PTPRN2: variants seen among roughly 807,000 people sequenced by gnomAD.
PTPRN2 encodes receptor-type tyrosine-protein phosphatase N2.
Under a neutral mutation model 118.8 loss-of-function variants are expected in PTPRN2, and 74 were observed. The ratio of observed to expected loss-of-function variants is 0.62; its 90% CI spans 0.52 to 0.76. The LOEUF (loss-of-function observed/expected upper bound fraction) is 0.76, where lower values mean the gene tolerates loss of function less well. PTPRN2 is among the 30% of genes least tolerant of loss of function. The pLI, the probability that PTPRN2 is intolerant of heterozygous loss-of-function variation, is 0.00. For missense variants in PTPRN2, 1,481 were observed against 1,394.4 expected (o/e 1.06, Z -0.99); for synonymous variants, 641 against 608.0 (o/e 1.05, Z -0.80).
At chr7:158,550,785 C>T in intron 1 of PTPRN2, among the ~76,000 whole-genome samples, 1 of 152,214 alleles carries the variant, frequency 6.6e-6, no homozygotes, top group South Asian at 2.1e-4. Context: ...GTAATTACCT[C>T]GTCTTTAAGT....
intron 19 of PTPRN2, 116 bp from the exon 20 acceptor site, chr7:157,571,609 T>C: frequency 1.5e-6 from 1 of 680,596 alleles, no homozygotes; most frequent in Non-Finnish European, 2.5e-6. Flanking sequence ...TGCAATCGCT[T>C]GTTTTGACGG....
At chr7:158,049,367 G>C (rs1320847385) in intron 11 of PTPRN2, among the ~76,000 whole-genome samples, 20 of 152,128 alleles carry the variant, frequency 1.3e-4, no homozygotes, top group Admixed American at 6.5e-5. Context: ...TGCTACACTG[G>C]TGGGTGACTC....
chr7:158,556,905 C>A (rs1370679583), intron 1 of PTPRN2, among the ~76,000 whole-genome samples: 1 of 148,632 alleles, frequency 6.7e-6, no homozygotes, highest in African/African-American at 2.5e-5. Flanking sequence ...GGCTCCCGTG[C>A]AGGTCGCTCC....
chr7:158,077,615 G>C, intron 11 of PTPRN2, among the ~76,000 whole-genome samples: 1 of 151,072 alleles, frequency 6.6e-6, no homozygotes, highest in Non-Finnish European at 1.5e-5. Flanking sequence ...TGGCGCCCGA[G>C]AGGGAATGTT....
intron 13 of PTPRN2, among the ~76,000 whole-genome samples, chr7:157,677,954 C>T (rs981428835): frequency 1.1e-4 from 17 of 152,176 alleles, no homozygotes; most frequent in African/African-American, 3.4e-4. Flanking sequence ...TCTGCAAAAC[C>T]GAATCCACGT....
chr7:157,997,134 A>T (rs1804811132), intron 11 of PTPRN2, among the ~76,000 whole-genome samples: 1 of 152,164 alleles, frequency 6.6e-6, no homozygotes, highest in African/African-American at 2.4e-5. Flanking sequence ...TTGGGGGCAC[A>T]TCTGATGGGG....
At chr7:158,050,227 G>A (rs1210557234) in intron 11 of PTPRN2, among the ~76,000 whole-genome samples, 1 of 152,182 alleles carries the variant, frequency 6.6e-6, no homozygotes, top group East Asian at 1.9e-4. Context: ...AGGGAATGCA[G>A]CCTTTTGTAG....
chr7:158,163,584 T>C (rs1822574248), intron 6 of PTPRN2, among the ~76,000 whole-genome samples: 1 of 150,870 alleles, frequency 6.6e-6, no homozygotes, highest in African/African-American at 2.4e-5. Context: ...CTCAATATTC[T>C]CTGTATATTT....
intron 10 of PTPRN2, among the ~76,000 whole-genome samples, chr7:158,095,020 C>T (rs903882822): frequency 2.0e-5 from 3 of 152,178 alleles, no homozygotes; most frequent in Non-Finnish European, 4.4e-5. Flanking sequence ...CATGGGCCAG[C>T]ATCCGTGGTG....
intron 2 of PTPRN2, among the ~76,000 whole-genome samples, chr7:158,336,321 A>T (rs1310212578): frequency 2.1e-5 from 3 of 140,446 alleles, no homozygotes; most frequent in South Asian, 2.4e-4. Context: ...CTCTCACCAT[A>T]AGAGGTGACA....
intron 3 of PTPRN2, among the ~76,000 whole-genome samples, chr7:158,225,391 A>G (rs1345376723): frequency 6.6e-6 from 1 of 152,078 alleles, no homozygotes; most frequent in Non-Finnish European, 1.5e-5. Context: ...TTGGTTATGA[A>G]GGAAAGAACG....
chr7:158,520,366 T>C (rs1055514233), intron 1 of PTPRN2, among the ~76,000 whole-genome samples: 4 of 152,204 alleles, frequency 2.6e-5, no homozygotes, highest in African/African-American at 9.7e-5. Context: ...AGAACTTATT[T>C]TTCCTGAAAA....
chr7:158,557,037 C>T (rs1337150847), intron 1 of PTPRN2, among the ~76,000 whole-genome samples: 2 of 140,826 alleles, frequency 1.4e-5, no homozygotes, highest in East Asian at 4.6e-4. Context: ...GGTCAGAGGG[C>T]TCCCGCGCAG....
At chr7:157,692,501 C>A (rs1233183031) in intron 12 of PTPRN2, among the ~76,000 whole-genome samples, 1 of 152,248 alleles carries the variant, frequency 6.6e-6, no homozygotes, top group Non-Finnish European at 1.5e-5. Context: ...CGGTGCCGTC[C>A]GCTGCAGGCC....
chr7:158,146,186 G>T (rs942600417), intron 6 of PTPRN2, among the ~76,000 whole-genome samples: 2 of 152,114 alleles, frequency 1.3e-5, no homozygotes, highest in East Asian at 1.9e-4. Flanking sequence ...TAGATGCTCA[G>T]TCACACAAGC....
intron 12 of PTPRN2, among the ~76,000 whole-genome samples, chr7:157,692,805 C>T (rs984886359): frequency 3.9e-5 from 6 of 152,054 alleles, no homozygotes; most frequent in African/African-American, 1.2e-4. Flanking sequence ...GCCCTCTCGT[C>T]CCCCCTGCCC....
At chr7:157,871,336 G>T (rs2151260414) in intron 12 of PTPRN2, among the ~76,000 whole-genome samples, 1 of 152,318 alleles carries the variant, frequency 6.6e-6, no homozygotes, top group South Asian at 2.1e-4. Context: ...CCCTGCAGGT[G>T]ATTCTGATGC....
At chr7:158,418,685 GTAC>G (rs1263443387) in intron 2 of PTPRN2, among the ~76,000 whole-genome samples, 8 of 151,908 alleles carry the variant, frequency 5.3e-5, no homozygotes, top group African/African-American at 1.9e-4. Flanking sequence ...AAGTCACGGT[GTAC>G]TACATCGAGA....
chr7:158,006,726 C>G (rs1308578899), intron 11 of PTPRN2, among the ~76,000 whole-genome samples: 1 of 152,190 alleles, frequency 6.6e-6, no homozygotes, highest in Admixed American at 6.5e-5. Flanking sequence ...GAAGGTAGGC[C>G]CAGGGTCCCT....
Sources: gnomAD v4.1 joint callset for allele counts (sites outside exome capture counted in the v4.1 genomes callset) on GRCh38, gnomAD v4.1.1 for gene constraint, MANE v1.5 for transcripts, NCBI Gene and HGNC (gene_info 2026-07-23, HGNC 2026-07-21) for gene names.